Variants in FMN1 observed in about 807,000 individuals in gnomAD.
FMN1 encodes the protein formin 1.
FMN1 carries 110 observed loss-of-function variants against 132.4 expected under a neutral mutation model. The observed-to-expected ratio is 0.83, with a 90% confidence interval of 0.71 to 0.97. FMN1 has a LOEUF of 0.97. Ranked by LOEUF, FMN1 falls within the 50% of genes least tolerant of loss-of-function variation. FMN1 has a pLI of 0.00. For synonymous variants in FMN1, 722 were observed against 651.7 expected (o/e 1.11, Z -1.64); for missense variants, 1,792 against 1,705.3 (o/e 1.05, Z -0.90).
At chr15:33,088,529 G>C (rs2038787419) in intron 5 of FMN1, among the ~76,000 whole-genome samples, 1 of 152,148 alleles carries the variant, frequency 6.6e-6, no homozygotes, top group Non-Finnish European at 1.5e-5. Flanking sequence ...GAGAGATCTA[G>C]GCTGCAAAGC....
intron 9 of FMN1, among the ~76,000 whole-genome samples, chr15:32,959,571 A>T (rs1364504737): frequency 1.3e-5 from 2 of 152,234 alleles, no homozygotes; most frequent in East Asian, 3.8e-4. Context: ...AAAAGCAAGC[A>T]CTACACAAGT....
chr15:33,086,118 G>A (rs1391060991), intron 5 of FMN1, among the ~76,000 whole-genome samples: 1 of 152,044 alleles, frequency 6.6e-6, no homozygotes, highest in Non-Finnish European at 1.5e-5. Context: ...GGGCGTGGTG[G>A]CATGCGCCTG....
rs149195594 is a variant in FMN1 at position 32,970,372 on chromosome 15, C to G, written c.2224-895G>C. On this transcript the variant is annotated intron_variant, in intron 7 of 20. Coordinates refer to ENST00000616417, the MANE Select transcript of FMN1 (RefSeq NM_001277313.2). ...TTAACAGTAATTAAATATTTTTTGTCAATTTATTTAATTTCTGCCTCCCCC... is the reference window on the plus strand; with the variant it reads ...TTAACAGTAATTAAATATTTTTTGTGAATTTATTTAATTTCTGCCTCCCCC... Among the ~76,000 whole-genome samples the G allele has an allele frequency of 3.4e-3, 510 of 152,172 alleles. 3 individuals are homozygous for G. The highest frequency in any genetic ancestry group is 0.012 in the African/African-American group (492 of 41,526).
intron 5 of FMN1, among the ~76,000 whole-genome samples, chr15:33,079,823 C>G (rs1311429257): frequency 6.6e-6 from 1 of 152,158 alleles, no homozygotes; most frequent in Admixed American, 6.5e-5. Context: ...GGAAGTAAAT[C>G]AGATTACTTT....
chr15:33,141,121 A>G (rs1566948635), intron 4 of FMN1, among the ~76,000 whole-genome samples: 1 of 152,160 alleles, frequency 6.6e-6, no homozygotes, highest in Non-Finnish European at 1.5e-5. Context: ...TTGTTAAATG[A>G]TATCATCTGT....
chr15:32,889,820 T>G (rs2059982662), intron 15 of FMN1, among the ~76,000 whole-genome samples: 1 of 152,216 alleles, frequency 6.6e-6, no homozygotes, highest in Admixed American at 6.5e-5. Context: ...GGTATTTGGT[T>G]ACATGAGTAA....
At chr15:32,986,334 T>C (rs964212943) in intron 7 of FMN1, among the ~76,000 whole-genome samples, 3 of 152,112 alleles carry the variant, frequency 2.0e-5, no homozygotes, top group African/African-American at 7.2e-5. Flanking sequence ...AATAAGGGTA[T>C]TTTTGAGTAA....
chr15:33,037,189 T>C (rs887289857), intron 6 of FMN1, among the ~76,000 whole-genome samples: 1 of 152,166 alleles, frequency 6.6e-6, no homozygotes, highest in African/African-American at 2.4e-5. Flanking sequence ...GTCCCAGAGT[T>C]TGAGATGATC....
At chr15:33,115,298 A>G (rs908365404) in intron 4 of FMN1, among the ~76,000 whole-genome samples, 1 of 152,198 alleles carries the variant, frequency 6.6e-6, no homozygotes, top group African/African-American at 2.4e-5. Context: ...CTCATGGGAA[A>G]TAATACTTGA....
chr15:32,948,717 T>TC (rs1454593557), intron 9 of FMN1, among the ~76,000 whole-genome samples: 1 of 152,060 alleles, frequency 6.6e-6, no homozygotes, highest in Non-Finnish European at 1.5e-5. Flanking sequence ...CACTTTTACT[T>TC]CCTTAATATT....
chr15:33,025,558 C>T (rs1258235582), intron 6 of FMN1, among the ~76,000 whole-genome samples: 5 of 152,032 alleles, frequency 3.3e-5, no homozygotes, highest in Non-Finnish European at 7.4e-5. Context: ...TTAAAAGAAA[C>T]TTTAAAAACC....
chr15:33,045,665 G>A (rs1289884775), intron 6 of FMN1, among the ~76,000 whole-genome samples: 2 of 152,148 alleles, frequency 1.3e-5, no homozygotes, highest in Non-Finnish European at 2.9e-5. Flanking sequence ...TAATTAACTG[G>A]CTTGGATCCA....
chr15:33,097,670 C>A (rs2039140623), intron 4 of FMN1, among the ~76,000 whole-genome samples: 1 of 152,086 alleles, frequency 6.6e-6, no homozygotes, highest in African/African-American at 2.4e-5. Flanking sequence ...AGAGAACTTC[C>A]ATAATGATAA....
intron 16 of FMN1, among the ~76,000 whole-genome samples, chr15:32,863,191 C>T (rs998152140): frequency 1.3e-5 from 2 of 152,196 alleles, no homozygotes; most frequent in Admixed American, 6.5e-5. Context: ...CGCCTGTAAT[C>T]CCAGCACTTT....
At chr15:32,855,616 G>T (rs2141283655) in intron 17 of FMN1, among the ~76,000 whole-genome samples, 1 of 152,286 alleles carries the variant, frequency 6.6e-6, no homozygotes, top group South Asian at 2.1e-4. Flanking sequence ...GAGCATTACA[G>T]CATGCAGGTA....
chr15:33,164,330 A>G (rs1465334100), intron 3 of FMN1, among the ~76,000 whole-genome samples: 2 of 152,350 alleles, frequency 1.3e-5, no homozygotes, highest in Non-Finnish European at 2.9e-5. Flanking sequence ...GACCACCAGC[A>G]TAAGCTATGT....
chr15:32,945,569 G>T (rs1230525017), intron 9 of FMN1, among the ~76,000 whole-genome samples: 1 of 152,072 alleles, frequency 6.6e-6, no homozygotes, highest in East Asian at 1.9e-4. Context: ...TAGGCTTTTG[G>T]AAAGAACACA....
At chr15:32,814,836 C>T (rs547321107) in intron 17 of FMN1, among the ~76,000 whole-genome samples, 16 of 152,096 alleles carry the variant, frequency 1.1e-4, no homozygotes, top group Admixed American at 2.6e-4. Flanking sequence ...ATTTATAAAT[C>T]GGTAACTTGT....
chr15:32,937,779 A>T (rs761623023), intron 9 of FMN1, among the ~76,000 whole-genome samples: 4 of 152,258 alleles, frequency 2.6e-5, no homozygotes, highest in Non-Finnish European at 5.9e-5. Context: ...ACAGTACCAA[A>T]CAAACTACAA....
Sources: gnomAD v4.1 joint callset for allele counts (sites outside exome capture counted in the v4.1 genomes callset) on GRCh38, gnomAD v4.1.1 for gene constraint, MANE v1.5 for transcripts, NCBI Gene and HGNC (gene_info 2026-07-23, HGNC 2026-07-21) for gene names.